PEAK1: variants seen among roughly 807,000 people sequenced by gnomAD.
PEAK1 encodes the protein inactive tyrosine-protein kinase PEAK1.
A neutral mutation model predicts 124.7 loss-of-function variants in PEAK1; 54 were observed. The ratio of observed to expected loss-of-function variants is 0.43; its 90% CI spans 0.35 to 0.54. PEAK1 has a LOEUF of 0.54. Among genes scored for constraint, PEAK1 ranks in the 20% least tolerant of loss-of-function variants. PEAK1 has a pLI of 0.01. For missense variants in PEAK1, 2,046 were observed against 2,134.5 expected (o/e 0.96, Z 0.82); for synonymous variants, 719 against 760.0 (o/e 0.95, Z 0.89).
At chr15:77,284,233 C>T (rs1212606913) in intron 4 of PEAK1, among the ~76,000 whole-genome samples, 6 of 152,132 alleles carry the variant, frequency 3.9e-5, no homozygotes, top group Admixed American at 2.6e-4. Context: ...CATACAAATG[C>T]GAAGGTCTCA....
At chr15:77,207,461 C>T (rs2058715216) in intron 6 of PEAK1, among the ~76,000 whole-genome samples, 1 of 152,044 alleles carries the variant, frequency 6.6e-6, no homozygotes, top group South Asian at 2.1e-4. Context: ...CTGTGGTATA[C>T]CCATACAACA....
In PEAK1 at chr15:77,151,047, C is replaced by T. The variant is rs571262716; in HGVS notation, c.3331+7456G>A. ...ATACCCAGTAATGGGATGGCTGGGT[C>T]AAATGGTATTTCTAGTTCTAGATGC... On this transcript the variant is annotated intron_variant, in intron 8 of 9. Coordinates refer to ENST00000682557, the MANE Select transcript of PEAK1 (RefSeq NM_001385026.1). Among the ~76,000 whole-genome samples, 14 of 152,202 alleles carry T rather than the reference C, an allele frequency of 9.2e-5. No individual in the cohort carries two copies. The South Asian group carries it at 1.0e-3, about 11-fold the overall frequency.
At chr15:77,294,310 T>C (rs896150532) in intron 2 of PEAK1, among the ~76,000 whole-genome samples, 3 of 152,208 alleles carry the variant, frequency 2.0e-5, no homozygotes, top group Non-Finnish European at 4.4e-5. Context: ...ACTCTGCTTT[T>C]ATAATTTTAT....
chr15:77,240,241 A>G (rs1337937065), intron 6 of PEAK1, among the ~76,000 whole-genome samples: 3 of 152,240 alleles, frequency 2.0e-5, no homozygotes, highest in Non-Finnish European at 2.9e-5. Context: ...AATTCTTATA[A>G]AAGTTTTAAT....
At chr15:77,384,365 C>G (rs747805028) in intron 1 of PEAK1, among the ~76,000 whole-genome samples, 8 of 152,170 alleles carry the variant, frequency 5.3e-5, no homozygotes, top group Admixed American at 2.6e-4. Flanking sequence ...CAGTTAAAAA[C>G]AGAAACAACC....
chr15:77,375,688 A>G (rs190644087), intron 1 of PEAK1, among the ~76,000 whole-genome samples: 12 of 152,278 alleles, frequency 7.9e-5, no homozygotes, highest in Middle Eastern at 6.8e-3. Context: ...CAGGACCGAT[A>G]TAAGTCAAAA....
intron 1 of PEAK1, among the ~76,000 whole-genome samples, chr15:77,392,714 A>C (rs1247425744): frequency 6.6e-6 from 1 of 152,176 alleles, no homozygotes; most frequent in Non-Finnish European, 1.5e-5. Context: ...CTTGTTGAGG[A>C]GGCGGCGGAG....
chr15:77,295,528 C>CTCT (rs1464555886), intron 2 of PEAK1, among the ~76,000 whole-genome samples: 1 of 152,120 alleles, frequency 6.6e-6, no homozygotes, highest in Non-Finnish European at 1.5e-5. Flanking sequence ...TCATCATACT[C>CTCT]TGATTCATTT....
intron 6 of PEAK1, among the ~76,000 whole-genome samples, chr15:77,203,340 A>G (rs2058464993): frequency 6.6e-6 from 1 of 152,224 alleles, no homozygotes; most frequent in Non-Finnish European, 1.5e-5. Flanking sequence ...GACAATAAAA[A>G]TCTGGGAAAT....
At chr15:77,225,139 G>T (rs2059572744) in intron 6 of PEAK1, among the ~76,000 whole-genome samples, 1 of 152,002 alleles carries the variant, frequency 6.6e-6, no homozygotes, top group African/African-American at 2.4e-5. Context: ...TTGCAGAGAA[G>T]AAAACGGAGG....
chr15:77,136,903 G>A (rs1319187180), intron 8 of PEAK1, among the ~76,000 whole-genome samples: 3 of 152,236 alleles, frequency 2.0e-5, no homozygotes, highest in African/African-American at 4.8e-5. Flanking sequence ...GAGGCCCGAA[G>A]GCCTAGGAGA....
intron 1 of PEAK1, among the ~76,000 whole-genome samples, chr15:77,388,970 T>TG (rs895680900): frequency 6.6e-5 from 10 of 150,854 alleles, no homozygotes; most frequent in Non-Finnish European, 1.2e-4. Context: ...ATTTTTTTTT[T>TG]TTTTTTTTTG....
At chr15:77,252,554 C>T in intron 5 of PEAK1, 28 bp from the exon 6 acceptor site, 1 of 963,956 alleles carries the variant, frequency 1.0e-6, no homozygotes, top group East Asian at 1.1e-4. Flanking sequence ...TAGAGCAAAA[C>T]TGGAGAGTAA....
At chr15:77,242,820 C>A (rs1341533603) in intron 6 of PEAK1, among the ~76,000 whole-genome samples, 1 of 152,110 alleles carries the variant, frequency 6.6e-6, no homozygotes, top group African/African-American at 2.4e-5. Context: ...TCTATCATGC[C>A]TCACTTATAA....
rs2051261598 is a variant in PEAK1, at chr15:77,115,270, G to A, written c.4127C>T (p.Ala1376Val). The A allele has an allele frequency of 1.2e-6, 2 of 1,614,148 alleles. No individual in the cohort carries two copies. The highest frequency in any genetic ancestry group is 1.1e-5 in the South Asian group (1 of 91,076). Residue 1376 changes from alanine to valine, a missense_variant, in exon 10 of 10, where the codon GCT becomes GTT. Coordinates refer to ENST00000682557, the MANE Select transcript of PEAK1 (RefSeq NM_001385026.1). Reference sequence around the variant, plus strand: ...ATGGACAGCCAGACTCTGCCGGACAGCCAAGCTGTGATAATACTGCTGAGA... The same window carrying A: ...ATGGACAGCCAGACTCTGCCGGACAACCAAGCTGTGATAATACTGCTGAGA... ...KESQQYYHSL[A>V]VRQSLAVHFN...
intron 2 of PEAK1, among the ~76,000 whole-genome samples, chr15:77,304,535 G>A (rs2063973859): frequency 7.2e-6 from 1 of 139,570 alleles, no homozygotes; most frequent in African/African-American, 2.7e-5. Context: ...TGCAAGCTCT[G>A]CCTCCTGGGT....
chr15:77,219,722 C>T (rs1324864938), intron 6 of PEAK1, among the ~76,000 whole-genome samples: 3 of 151,996 alleles, frequency 2.0e-5, no homozygotes, highest in East Asian at 3.9e-4. Context: ...GATTGAGATA[C>T]TACAAGCAAA....
chr15:77,112,461 A>C lies in PEAK1; in HGVS notation c.*1695T>G, dbSNP rs1374384761. ...CTCAGGGCTCACTCACTCACTAGGC[A>C]CAGAGAACATGTCTGTCAACCCTGC... On this transcript the variant is annotated 3_prime_UTR_variant, in exon 10 of 10. Transcript: ENST00000682557. 1 of 152,254 alleles carries C rather than the reference A, an allele frequency of 6.6e-6. No homozygotes were observed. Among genetic ancestry groups the C allele is most frequent in the Non-Finnish European group, 1.5e-5 (1 of 68,054 alleles). 9.4% of individuals were successfully genotyped at this position (152,254 alleles called of 1,614,324 possible). A position where few individuals can be genotyped will look rare whatever the true frequency, so the allele number is the denominator to read the frequency against.
chr15:77,170,555 T>C (rs1044192846), intron 7 of PEAK1, among the ~76,000 whole-genome samples: 2 of 152,088 alleles, frequency 1.3e-5, no homozygotes, highest in African/African-American at 4.8e-5. Context: ...AAAGAGTAGG[T>C]GGCTGTTCTC....
Sources: gnomAD v4.1 joint callset for allele counts (sites outside exome capture counted in the v4.1 genomes callset) on GRCh38, gnomAD v4.1.1 for gene constraint, MANE v1.5 for transcripts, NCBI Gene and HGNC (gene_info 2026-07-23, HGNC 2026-07-21) for gene names.